The following POLR1C variants were observed in gnomAD, a reference collection of about 807,000 sequenced individuals.
POLR1C encodes RNA polymerase I and III subunit C.
POLR1C carries 42 observed loss-of-function variants against 38.3 expected under a neutral mutation model. That is an observed-to-expected ratio of 1.10 (90% CI 0.86 to 1.42). The LOEUF (loss-of-function observed/expected upper bound fraction) is 1.42, where lower values mean the gene tolerates loss of function less well. Among genes scored for constraint, POLR1C ranks in the 40% most tolerant of loss-of-function variants. The pLI is 0.00. For synonymous variants in POLR1C, 163 were observed against 163.9 expected (o/e 0.99, Z 0.04); for missense variants, 507 against 450.5 (o/e 1.13, Z -1.14).
chr6:43,544,975 C>T (rs1464938140), intron 9 of POLR1C, among the ~76,000 whole-genome samples: 1 of 152,108 alleles, frequency 6.6e-6, no homozygotes, highest in Non-Finnish European at 1.5e-5. Context: ...CGGGTTCAAG[C>T]GATTCTCCTG....
chr6:43,556,089 C>T, intron 10 of POLR1C: 4 of 1,292,184 alleles, frequency 3.1e-6, no homozygotes, highest in Non-Finnish European at 4.2e-6. Flanking sequence ...CAGACTTGTG[C>T]TTTGCATGTA....
downstream of POLR1C, chr6:43,525,335 G>A: frequency 4.2e-6 from 4 of 948,764 alleles, no homozygotes; most frequent in South Asian, 5.1e-5. Flanking sequence ...AGATGGGTTT[G>A]TTTTGTTGCC....
chr6:43,531,777 C>A (rs755506827), downstream of POLR1C, among the ~76,000 whole-genome samples: 3 of 151,846 alleles, frequency 2.0e-5, no homozygotes, highest in Non-Finnish European at 4.4e-5. Context: ...GGACTTTAGA[C>A]CCGGGTACTC....
At chr6:43,529,069 A>C in intron 8 of POLR1C, 1 of 1,107,886 alleles carries the variant, frequency 9.0e-7, no homozygotes, top group Non-Finnish European at 1.3e-6. Flanking sequence ...AAAAAATCTT[A>C]AAGTTCTTTT....
intron 9 of POLR1C, among the ~76,000 whole-genome samples, chr6:43,545,797 C>T (rs1794938775): frequency 6.6e-6 from 1 of 152,044 alleles, no homozygotes; most frequent in African/African-American, 2.4e-5. Context: ...AAAAACCTAT[C>T]TTTTCATTTA....
Position 43,520,330 on chromosome 6 carries a change from A to G in POLR1C, c.558A>G (p.Pro186=). 1 of 1,613,470 alleles carries G rather than the reference A, an allele frequency of 6.2e-7. No homozygotes were observed. The highest frequency in any genetic ancestry group is 1.1e-5 in the South Asian group (1 of 91,080). Residue 186 remains proline, a synonymous_variant, in exon 6 of 9, where the codon CCA becomes CCG. Coordinates refer to ENST00000642195, the MANE Select transcript of POLR1C (RefSeq NM_203290.4). Reference sequence around the variant, plus strand: ...TGGGGAACCAGGCTGATCTCTTTCCAGAGGGCACTATCCGACCAGTGCATG... The same window carrying G: ...TGGGGAACCAGGCTGATCTCTTTCCGGAGGGCACTATCCGACCAGTGCATG... ...IPLGNQADLF[P]EGTIRPVHDD...
rs753547042 is a variant in POLR1C, at chr6:43,548,330, C to T, written c.*5-2638C>T. ...CAGCTCCTCTAGGAACACCTTCTGA[C>T]GCTCGTAGTTCTTAAATTGGTTGCT... On this transcript the variant is annotated intron_variant, in intron 9 of 10. Transcript: ENST00000607635. 4.1e-5 allele frequency: 66 copies of T among 1,613,474 alleles called. No individual in the cohort carries two copies. The East Asian group carries it at 7.1e-4, about 17-fold the overall frequency.
downstream of POLR1C, chr6:43,524,540 G>C (rs556276524): frequency 7.4e-6 from 12 of 1,613,968 alleles, no homozygotes; most frequent in South Asian, 1.3e-4. Context: ...TCTGCAGGGA[G>C]GGGTTTAAAA....
rs1210935765 is a variant in POLR1C, at chr6:43,519,433, T to C, written c.242T>C (p.Leu81Pro). The C allele has an allele frequency of 6.2e-7, 1 of 1,609,220 alleles. No homozygotes were observed. The highest frequency in any genetic ancestry group is 8.5e-7 in the Non-Finnish European group (1 of 1,175,470). ...GCCAATGCTTTTCGACGAATTCTGC[T>C]AGCTGAGGTATTGGCAGGCATGGTG... ...AIANAFRRILLAEVPTMAVEK... is the reference protein window; with the variant it reads ...AIANAFRRILPAEVPTMAVEK... The change falls in exon 3 of 9, where the codon CTA (leucine) becomes CCA (proline). Residue 81 changes from leucine (L) to proline (P), a missense_variant. Coordinates refer to ENST00000642195, the MANE Select transcript of POLR1C (RefSeq NM_203290.4).
chr6:43,551,134 T>C (rs1047234256), intron 10 of POLR1C: 2 of 598,290 alleles, frequency 3.3e-6, no homozygotes, highest in Middle Eastern at 4.9e-4. Context: ...TGCATGCTTG[T>C]AGTCTCAGCT....
chr6:43,548,199 A>G, intron 9 of POLR1C: 1 of 1,485,938 alleles, frequency 6.7e-7, no homozygotes, highest in Non-Finnish European at 9.0e-7. Flanking sequence ...CCCTGGGCCT[A>G]GCTCTTAAAC....
intron 10 of POLR1C, chr6:43,555,662 T>C: frequency 1.6e-6 from 1 of 644,548 alleles, no homozygotes; most frequent in East Asian, 3.0e-5. Flanking sequence ...AAATGTGTCA[T>C]CTGCTTTCTT....
rs756502416 is a variant in POLR1C at position 43,548,376 on chromosome 6, T to C, written c.*5-2592T>C. 2.5e-6 allele frequency: 4 copies of C among 1,613,466 alleles called. No individual in the cohort carries two copies. The African/African-American group carries it at 4.0e-5, about 16-fold the overall frequency. ...TTGCTAATGAGAACCAGGGCTTCCA[T>C]GAGGGCACACTTCTCCATTTGTGTC... On this transcript the variant is annotated intron_variant, in intron 9 of 10. Coordinates refer to the POLR1C transcript ENST00000607635.
chr6:43,540,750 T>C (rs180747153), intron 9 of POLR1C, among the ~76,000 whole-genome samples: 7 of 152,336 alleles, frequency 4.6e-5, no homozygotes, highest in Middle Eastern at 3.4e-3. Context: ...AGTGCTGAGA[T>C]TACAGGCATG....
chr6:43,521,069 TG>T, intron 8 of POLR1C, 21 bp downstream of exon 8: 1 of 1,602,734 alleles, frequency 6.2e-7, no homozygotes, highest in Non-Finnish European at 8.5e-7. Context: ...AGTGGTGAGA[TG>T]AGTGGGCAGT....
chr6:43,560,080 T>C (rs2127743736), intron 10 of POLR1C: 1 of 1,425,256 alleles, frequency 7.0e-7, no homozygotes. Flanking sequence ...CAGCCTTCCA[T>C]AGAGCTGGGA....
downstream of POLR1C, chr6:43,524,590 C>G (rs1382187345): frequency 6.2e-7 from 1 of 1,614,000 alleles, no homozygotes; most frequent in South Asian, 1.1e-5. Context: ...TTCTGTATTT[C>G]AGGGATTTGC....
chr6:43,524,656 C>T, downstream of POLR1C: 1 of 1,610,552 alleles, frequency 6.2e-7, no homozygotes, highest in African/African-American at 1.3e-5. Flanking sequence ...CAGGGATAAA[C>T]TTACTGGATG....
downstream of POLR1C, chr6:43,533,806 G>A: frequency 1.2e-6 from 1 of 826,708 alleles, no homozygotes; most frequent in Middle Eastern, 4.1e-4. Flanking sequence ...GTGCACTCTA[G>A]CCTGGGTGAC....
Sources: gnomAD v4.1 joint callset for allele counts (sites outside exome capture counted in the v4.1 genomes callset) on GRCh38, gnomAD v4.1.1 for gene constraint, MANE v1.5 for transcripts, NCBI Gene and HGNC (gene_info 2026-07-23, HGNC 2026-07-21) for gene names.